The following CHRD variants were observed in gnomAD, a reference collection of about 807,000 sequenced individuals.
CHRD encodes the protein chordin.
Under a neutral mutation model 113.7 loss-of-function variants are expected in CHRD, and 69 were observed. The observed-to-expected ratio is 0.61, with a 90% CI of 0.50 to 0.74. CHRD has a LOEUF of 0.74. CHRD is among the 30% of genes least tolerant of loss of function. The pLI is 0.00. For synonymous variants in CHRD, 561 were observed against 540.8 expected (o/e 1.04, Z -0.52); for missense variants, 1,194 against 1,295.8 (o/e 0.92, Z 1.21).
At chr3:184,386,361 GA>G in intron 15 of CHRD, 130 bp from the exon 16 acceptor site, 1 of 1,350,416 alleles carries the variant, frequency 7.4e-7, no homozygotes, top group Non-Finnish European at 1.0e-6. Context: ...GATGATTGTG[GA>G]GCGAATGGCA....
chr3:184,385,019 G>A (rs563056952), exon 14 of CHRD: 10 of 1,613,660 alleles, frequency 6.2e-6, no homozygotes, highest in South Asian at 5.5e-5. Flanking sequence ...TGGACCCAGC[G>A]CTGCCCGTGC....
Position 184,380,333 on chromosome 3 carries a change from G to T in CHRD, c.15G>T (p.Pro5=), listed in dbSNP as rs1314619469. Residue 5 remains proline (P), a synonymous_variant, in exon 1 of 23, where the codon CCG becomes CCT. Transcript: ENST00000204604. This position sits in a 1 kb window ranked among gnomAD's most constrained non-coding sequence, Gnocchi z 6.3. ...CCGTTCGCGTCATGCCGAGCCTCCC[G>T]GCCCCGCCGGCCCCGCTGCTGCTCC... 7 of 1,266,166 alleles carry T rather than the reference G, an allele frequency of 5.5e-6. No homozygotes were observed. The highest frequency in any genetic ancestry group is 7.1e-6 in the Non-Finnish European group (7 of 989,368). 78.4% of individuals were successfully genotyped at this position (1,266,166 alleles called of 1,614,324 possible). A position where few individuals can be genotyped will look rare whatever the true frequency, so the allele number is the denominator to read the frequency against.
In CHRD at chr3:184,387,340, A is replaced by G. The variant is rs1242590207; in HGVS notation, c.2348-34A>G. The G allele has an allele frequency of 6.3e-7, 1 of 1,586,942 alleles. No homozygotes were observed. Among genetic ancestry groups the G allele is most frequent in the South Asian group, 1.2e-5 (1 of 85,804 alleles). On this transcript the variant is annotated intron_variant, in intron 18 of 22. Transcript: ENST00000204604. This position sits in a 1 kb window ranked among gnomAD's most constrained non-coding sequence, Gnocchi z 6.1. ...GGTTGTGGGCCCAGCTGATGAGCTC[A>G]TACTAATGGCTGCTGGGCCCTGTTC...
In CHRD at chr3:184,381,323, C is replaced by T. The variant is rs1032783409; in HGVS notation, c.341C>T (p.Pro114Leu). ...TGCCCAACCCCGGCCTGTGGGCAGC[C>T]GCGCCAGCTGCCGGGACACTGCTGC... Residue 114 changes from proline to leucine, a missense_variant, in exon 3 of 23, where the codon CCG becomes CTG. Transcript: ENST00000204604. The surrounding 1 kb of genome is among the most constrained non-coding windows in gnomAD (Gnocchi z 4.7). The T allele has an allele frequency of 6.2e-7, 1 of 1,607,452 alleles. No homozygotes were observed. The highest frequency in any genetic ancestry group is 1.7e-5 in the Admixed American group (1 of 59,240).
At chr3:184,382,679 G>C in exon 8 of CHRD, 1 of 1,613,850 alleles carries the variant, frequency 6.2e-7, no homozygotes, top group African/African-American at 1.3e-5. Flanking sequence ...CCACAGCAGG[G>C]CGTAGGGGGC....
rs113468239 is a variant in CHRD, at chr3:184,381,193, C to T, written c.253-42C>T. The T allele has an allele frequency of 6.2e-7, 1 of 1,610,810 alleles. No individual in the cohort carries two copies. The highest frequency in any genetic ancestry group is 8.5e-7 in the Non-Finnish European group (1 of 1,178,914). On this transcript the variant is annotated intron_variant, in intron 2 of 22. Coordinates refer to ENST00000204604, the Ensembl canonical transcript of CHRD. This position sits in a 1 kb window ranked among gnomAD's most constrained non-coding sequence, Gnocchi z 4.7. Reference sequence around the variant, plus strand: ...TGCCTGGGGGGGTCTCATCAGTTGGCATCTTGCACTCACTTGGGTTTCCCG... The same window carrying T: ...TGCCTGGGGGGGTCTCATCAGTTGGTATCTTGCACTCACTTGGGTTTCCCG...
chr3:184,386,716 G>T, exon 16 of CHRD: 1 of 1,612,354 alleles, frequency 6.2e-7, no homozygotes, highest in South Asian at 1.1e-5. Context: ...CTCGCTGGGC[G>T]CCCAACTACG....
chr3:184,384,773 G>A lies in CHRD; in HGVS notation c.1597+80G>A. On this transcript the variant is annotated intron_variant, in intron 13 of 22. Coordinates refer to ENST00000204604, the Ensembl canonical transcript of CHRD. The surrounding 1 kb of genome is among the most constrained non-coding windows in gnomAD (Gnocchi z 4.4). ...TGGTGGCAGACAGCCGGAGCCTGGT[G>A]TGTCTTTCTTTGTGCCTAAGCTCCG... The A allele has an allele frequency of 6.8e-7, 1 of 1,480,638 alleles. No individual in the cohort carries two copies. Among genetic ancestry groups the A allele is most frequent in the Non-Finnish European group, 9.0e-7 (1 of 1,115,158 alleles). 91.7% of individuals were successfully genotyped at this position (1,480,638 alleles called of 1,614,324 possible). A position where few individuals can be genotyped will look rare whatever the true frequency, so the allele number is the denominator to read the frequency against.
Position 184,384,250 on chromosome 3 carries a change from C to T in CHRD, c.1441-287C>T, listed in dbSNP as rs2108650161. 6.6e-6 allele frequency among the ~76,000 whole-genome samples: 1 copy of T among 152,336 alleles called. No homozygotes were observed. Among genetic ancestry groups the T allele is most frequent in the Non-Finnish European group, 1.5e-5 (1 of 68,042 alleles). Reference sequence around the variant, plus strand: ...ATGGTTGCTACTTATAGGGCCTTTCCATGTGCTAGGTGCTGCATTGGTGGC... The same window carrying T: ...ATGGTTGCTACTTATAGGGCCTTTCTATGTGCTAGGTGCTGCATTGGTGGC... On this transcript the variant is annotated intron_variant, in intron 12 of 22. Transcript: ENST00000204604. This position sits in a 1 kb window ranked among gnomAD's most constrained non-coding sequence, Gnocchi z 4.4.
At position 184,387,105 on chromosome 3, in the gene CHRD, A is replaced by C; in HGVS notation, c.2345A>C (p.Glu782Ala). 6.2e-7 allele frequency: 1 copy of C among 1,613,176 alleles called. No homozygotes were observed. Residue 782 changes from glutamate (E) to alanine (A), a missense_variant and splice_region_variant, in exon 18 of 23, where the codon GAG (glutamate) becomes GCG (alanine). Transcript: ENST00000204604. The surrounding 1 kb of genome is among the most constrained non-coding windows in gnomAD (Gnocchi z 6.1). Reference sequence around the variant, plus strand: ...CTGCCAAGGAGCCGGGACCCAGGAGAGGGTGAGCTGGAAGGGTGCGTGCAG... The same window carrying C: ...CTGCCAAGGAGCCGGGACCCAGGAGCGGGTGAGCTGGAAGGGTGCGTGCAG...
chr3:184,381,627 AG>A lies in CHRD; in HGVS notation c.511+8del, dbSNP rs1715439605. The A allele has an allele frequency of 1.9e-6, 3 of 1,605,404 alleles. No homozygotes were observed. Among genetic ancestry groups the A allele is most frequent in the Non-Finnish European group, 2.6e-6 (3 of 1,175,492 alleles). On this transcript the variant is annotated splice_donor_region_variant and intron_variant, in intron 4 of 22. Transcript: ENST00000204604. This position sits in a 1 kb window ranked among gnomAD's most constrained non-coding sequence, Gnocchi z 4.7. ...GGCCCGTGGTGACGGCCACACGGGT[AG>A]GGGGCTGGCGAACAGCGGGGTTGTG...
chr3:184,389,328 C>T lies in CHRD; in HGVS notation c.2813-39C>T, dbSNP rs1471995328. 2.5e-6 allele frequency: 4 copies of T among 1,600,856 alleles called. No individual in the cohort carries two copies. The African/African-American group carries it at 5.4e-5, about 21-fold the overall frequency. On this transcript the variant is annotated intron_variant, in intron 22 of 22. Transcript: ENST00000204604. ...ATGCCTCTCTGTGCCTCTCCACTCC[C>T]TCTCCCCTCCTCCAACATTCCCTCC...
Position 184,384,934 on chromosome 3 carries a change from G to A in CHRD, c.1598-84G>A. On this transcript the variant is annotated intron_variant, in intron 13 of 22. Transcript: ENST00000204604. This position sits in a 1 kb window ranked among gnomAD's most constrained non-coding sequence, Gnocchi z 4.4. Reference sequence around the variant, plus strand: ...CAGTGTCTTCCAGCTCGTGGAATGTGTGCTGGGGAGCTGGGAATGCTGGGT... The same window carrying A: ...CAGTGTCTTCCAGCTCGTGGAATGTATGCTGGGGAGCTGGGAATGCTGGGT... 1 of 1,417,212 alleles carries A rather than the reference G, an allele frequency of 7.1e-7. No homozygotes were observed. Among genetic ancestry groups the A allele is most frequent in the Non-Finnish European group, 9.8e-7 (1 of 1,016,678 alleles). 87.8% of individuals were successfully genotyped at this position (1,417,212 alleles called of 1,614,324 possible). A position where few individuals can be genotyped will look rare whatever the true frequency, so the allele number is the denominator to read the frequency against.
intron 15 of CHRD, 41 bp from the exon 16 acceptor site, chr3:184,386,451 G>T: frequency 1.3e-6 from 2 of 1,530,466 alleles, no homozygotes; most frequent in Non-Finnish European, 1.7e-6. Flanking sequence ...AAAGACGCGA[G>T]GGGGAGCCCC....
Position 184,384,792 on chromosome 3 carries a change from A to T in CHRD, c.1597+99A>T. The T allele has an allele frequency of 7.0e-7, 1 of 1,435,678 alleles. No individual in the cohort carries two copies. The highest frequency in any genetic ancestry group is 9.2e-7 in the Non-Finnish European group (1 of 1,081,388). The allele number at this position is 1,435,678 out of a possible 1,614,324, so 88.9% of individuals were successfully genotyped here. On this transcript the variant is annotated intron_variant, in intron 13 of 22. Transcript: ENST00000204604. This position sits in a 1 kb window ranked among gnomAD's most constrained non-coding sequence, Gnocchi z 4.4. ...CCTGGTGTGTCTTTCTTTGTGCCTA[A>T]GCTCCGGTTGCCATCTGAAGGTGGG...
Position 184,387,244 on chromosome 3 carries a change from A to T in CHRD, c.2348-130A>T. The T allele has an allele frequency of 1.6e-6, 2 of 1,274,876 alleles. No homozygotes were observed. Among genetic ancestry groups the T allele is most frequent in the Admixed American group, 2.0e-5 (1 of 49,406 alleles). 79.0% of individuals were successfully genotyped at this position (1,274,876 alleles called of 1,614,324 possible). On this transcript the variant is annotated intron_variant, in intron 18 of 22. Transcript: ENST00000204604. This position sits in a 1 kb window ranked among gnomAD's most constrained non-coding sequence, Gnocchi z 6.1. Reference sequence around the variant, plus strand: ...TTCCAAGTGATGCCTGACAGGACTCATTAGTGTTACTGGCCCCCAGGTGGG... The same window carrying T: ...TTCCAAGTGATGCCTGACAGGACTCTTTAGTGTTACTGGCCCCCAGGTGGG...
Position 184,381,624 on chromosome 3 carries a change from G to C in CHRD, c.511G>C (p.Asp171His), listed in dbSNP as rs766987083. The C allele has an allele frequency of 2.5e-6, 4 of 1,605,570 alleles. No homozygotes were observed. The African/African-American group carries it at 5.3e-5, about 21-fold the overall frequency. Residue 171 changes from aspartate (D) to histidine (H), a missense_variant and splice_region_variant, in exon 4 of 23, where the codon GAC becomes CAC. Asp to His is a moderately conservative substitution (Grantham distance 81). Coordinates refer to ENST00000204604, the Ensembl canonical transcript of CHRD. This position sits in a 1 kb window ranked among gnomAD's most constrained non-coding sequence, Gnocchi z 4.7. The stretch of plus-strand genomic sequence containing the variant: ...GCGGGCCCGTGGTGACGGCCACACG[G>C]GTAGGGGGCTGGCGAACAGCGGGGT...
chr3:184,388,435 C>T lies in CHRD; in HGVS notation c.2555-152C>T, dbSNP rs958056543. On this transcript the variant is annotated intron_variant, in intron 20 of 22. Coordinates refer to ENST00000204604, the Ensembl canonical transcript of CHRD. The surrounding 1 kb of genome is among the most constrained non-coding windows in gnomAD (Gnocchi z 6.1). ...TCCATCCATCCATCCATCCATCCGT[C>T]CCTTCATCCATCCATTCATCTGCCC... The T allele has an allele frequency of 1.3e-6, 1 of 784,958 alleles. No homozygotes were observed. The highest frequency in any genetic ancestry group is 2.1e-6 in the Non-Finnish European group (1 of 482,302). 48.6% of individuals were successfully genotyped at this position (784,958 alleles called of 1,614,324 possible).
chr3:184,390,497 G>T (rs1199622224), downstream of CHRD: 2 of 151,798 alleles, frequency 1.3e-5, no homozygotes, highest in East Asian at 3.9e-4. Flanking sequence ...GCAAACTGGG[G>T]TCAGAGTGGA....
Sources: gnomAD v4.1 joint callset for allele counts (sites outside exome capture counted in the v4.1 genomes callset) on GRCh38, gnomAD v4.1.1 for gene constraint, Gnocchi (gnomAD v3.1) non-coding constraint, MANE v1.5 for transcripts, NCBI Gene and HGNC (gene_info 2026-07-23, HGNC 2026-07-21) for gene names.